Variants in CTNNAL1 observed in about 807,000 individuals in gnomAD.
CTNNAL1 encodes the protein catenin alpha like 1.
A neutral mutation model predicts 93.6 loss-of-function variants in CTNNAL1; 69 were observed. The observed-to-expected ratio is 0.74, with a 90% CI of 0.61 to 0.90. CTNNAL1 has a LOEUF of 0.90. Ranked by LOEUF, CTNNAL1 falls within the 40% of genes least tolerant of loss-of-function variation. The probability of loss-of-function intolerance (pLI) is 0.00; values close to 1 mark genes in which losing one functional copy is unlikely to be tolerated. For synonymous variants in CTNNAL1, 286 were observed against 305.4 expected (o/e 0.94, Z 0.66); for missense variants, 836 against 862.0 (o/e 0.97, Z 0.38).
rs1301833110 is a variant in CTNNAL1, at chr9:108,952,137, A to C, written c.1835+72T>G. ...ACCGACTTTAACCTGTCAATGATTTAACATGGAACTTTTTTCTTTACACCA... is the reference window on the plus strand; with the variant it reads ...ACCGACTTTAACCTGTCAATGATTTCACATGGAACTTTTTTCTTTACACCA... On this transcript the variant is annotated intron_variant, in intron 14 of 18. Coordinates refer to ENST00000325551, the MANE Select transcript of CTNNAL1 (RefSeq NM_003798.4). 6 of 1,320,416 alleles carry C rather than the reference A, an allele frequency of 4.5e-6. No individual in the cohort carries two copies. The African/African-American group carries it at 9.0e-5, about 20-fold the overall frequency. The allele number at this position is 1,320,416 out of a possible 1,614,324, so 81.8% of individuals were successfully genotyped here.
At chr9:108,987,993 CT>C (rs1831669142) in intron 4 of CTNNAL1, among the ~76,000 whole-genome samples, 1 of 152,166 alleles carries the variant, frequency 6.6e-6, no homozygotes, top group Non-Finnish European at 1.5e-5. Context: ...ATTTGACTTC[CT>C]CTTTTCCTAA....
intron 1 of CTNNAL1, among the ~76,000 whole-genome samples, chr9:108,999,617 C>T (rs888672720): frequency 2.6e-5 from 4 of 152,194 alleles, no homozygotes; most frequent in Non-Finnish European, 4.4e-5. Flanking sequence ...TCCTCTACTA[C>T]GACTTCAGAT....
chr9:108,958,110 A>G (rs1006857776), intron 11 of CTNNAL1, among the ~76,000 whole-genome samples: 4 of 151,582 alleles, frequency 2.6e-5, no homozygotes, highest in Admixed American at 6.6e-5. Context: ...CTAAAAATAA[A>G]TAAATAATAA....
chr9:108,957,711 T>C (rs1465509493), intron 11 of CTNNAL1, among the ~76,000 whole-genome samples: 1 of 152,210 alleles, frequency 6.6e-6, no homozygotes, highest in Non-Finnish European at 1.5e-5. Flanking sequence ...CAGAAGATAG[T>C]CTTCCGGTCA....
At chr9:108,997,124 A>G (rs1009147196) in intron 2 of CTNNAL1, among the ~76,000 whole-genome samples, 1 of 152,210 alleles carries the variant, frequency 6.6e-6, no homozygotes. Context: ...GAATAAGGAT[A>G]TCCCCCCCTG....
chr9:108,948,563 C>T (rs982397538), intron 14 of CTNNAL1, among the ~76,000 whole-genome samples: 2 of 151,872 alleles, frequency 1.3e-5, no homozygotes, highest in Admixed American at 1.3e-4. Flanking sequence ...ATGTCTTGAC[C>T]GAAAGCCTTT....
intron 1 of CTNNAL1, among the ~76,000 whole-genome samples, chr9:109,012,185 TA>T (rs1359251355): frequency 6.6e-6 from 1 of 152,140 alleles, no homozygotes; most frequent in East Asian, 1.9e-4. Context: ...GGGACATGTG[TA>T]ACTGCTGTTT....
intron 2 of CTNNAL1, among the ~76,000 whole-genome samples, chr9:108,994,306 T>C (rs547395361): frequency 4.6e-5 from 7 of 152,120 alleles, no homozygotes; most frequent in Admixed American, 2.6e-4. Flanking sequence ...AGCCAGGCTA[T>C]TGTATCAATT....
In CTNNAL1 at chr9:108,987,596, T is replaced by C. The variant is rs1034039218; in HGVS notation, c.639+3130A>G. ...CATTGGTAGCTTGATGGGGATGGCA[T>C]TGAATCTATAAATTACCTTGGGCAG... On this transcript the variant is annotated intron_variant, in intron 4 of 18. Coordinates refer to ENST00000325551, the MANE Select transcript of CTNNAL1 (RefSeq NM_003798.4). Among the ~76,000 whole-genome samples, 14 of 152,122 alleles carry C rather than the reference T, an allele frequency of 9.2e-5. No individual in the cohort carries two copies. In the East Asian group the frequency reaches 1.9e-3, roughly 21 times the overall value.
At chr9:108,985,386 T>C (rs1000208301) in intron 4 of CTNNAL1, among the ~76,000 whole-genome samples, 1 of 152,236 alleles carries the variant, frequency 6.6e-6, no homozygotes, top group Non-Finnish European at 1.5e-5. Context: ...CACGTTAGCC[T>C]TTTTTATTTG....
At chr9:108,987,132 G>C (rs1008859483) in intron 4 of CTNNAL1, among the ~76,000 whole-genome samples, 4 of 152,148 alleles carry the variant, frequency 2.6e-5, no homozygotes, top group African/African-American at 9.7e-5. Flanking sequence ...GTAATGCCTA[G>C]GTTTTCTTCT....
intron 2 of CTNNAL1, among the ~76,000 whole-genome samples, chr9:108,998,509 TG>T (rs1832107294): frequency 6.6e-6 from 1 of 152,168 alleles, no homozygotes; most frequent in South Asian, 2.1e-4. Flanking sequence ...GATTTGTCCA[TG>T]CCTATCTCCC....
At chr9:108,961,624 T>G (rs1368682799) in intron 11 of CTNNAL1, among the ~76,000 whole-genome samples, 3 of 152,202 alleles carry the variant, frequency 2.0e-5, no homozygotes. Flanking sequence ...GAAGAGATTA[T>G]TTACATAATA....
chr9:109,007,216 C>T (rs1827055843), intron 1 of CTNNAL1, among the ~76,000 whole-genome samples: 1 of 151,682 alleles, frequency 6.6e-6, no homozygotes, highest in South Asian at 2.1e-4. Flanking sequence ...GCCTGGGTGA[C>T]AGAGCGAGAC....
In CTNNAL1 at chr9:108,952,120, T is replaced by TA. The variant is rs536215581; in HGVS notation, c.1835+88dup. The TA allele has an allele frequency of 6.9e-4, 795 of 1,149,496 alleles. 19 individuals carry two copies. In the South Asian group the frequency reaches 0.011, roughly 17 times the overall value. 71.2% of individuals were successfully genotyped at this position (1,149,496 alleles called of 1,614,324 possible). ...TTTACCATATATTTGATACCGACTTTAACCTGTCAATGATTTAACATGGAA... is the reference window on the plus strand; with the variant it reads ...TTTACCATATATTTGATACCGACTTTAAACCTGTCAATGATTTAACATGGAA... On this transcript the variant is annotated intron_variant, in intron 14 of 18. Coordinates refer to ENST00000325551, the MANE Select transcript of CTNNAL1 (RefSeq NM_003798.4).
At chr9:108,982,300 T>A (rs1831455288) in intron 6 of CTNNAL1, among the ~76,000 whole-genome samples, 1 of 152,230 alleles carries the variant, frequency 6.6e-6, no homozygotes, top group Non-Finnish European at 1.5e-5. Flanking sequence ...CTTTGAGGAT[T>A]ATATAAGTTC....
At chr9:108,991,940 A>C in intron 3 of CTNNAL1, 1 of 663,224 alleles carries the variant, frequency 1.5e-6, no homozygotes, top group Non-Finnish European at 2.8e-6. Context: ...GGAAGAGTTT[A>C]AATCTGTTCT....
chr9:108,954,843 C>G (rs1335306879), intron 12 of CTNNAL1, among the ~76,000 whole-genome samples: 1 of 152,172 alleles, frequency 6.6e-6, no homozygotes, highest in Non-Finnish European at 1.5e-5. Context: ...AGCATTCCCA[C>G]TATCATTTCT....
At chr9:108,944,290 G>A (rs536377396) in intron 15 of CTNNAL1, among the ~76,000 whole-genome samples, 1 of 152,306 alleles carries the variant, frequency 6.6e-6, no homozygotes, top group Admixed American at 6.5e-5. Context: ...ACACAGACCT[G>A]TGATATTCAG....
Sources: gnomAD v4.1 joint callset for allele counts (sites outside exome capture counted in the v4.1 genomes callset) on GRCh38, gnomAD v4.1.1 for gene constraint, MANE v1.5 for transcripts, NCBI Gene and HGNC (gene_info 2026-07-23, HGNC 2026-07-21) for gene names.